Variants in ARL8B observed in about 807,000 individuals in gnomAD.
ARL8B encodes the protein ADP-ribosylation factor-like protein 8B.
ARL8B carries 9 observed loss-of-function variants against 30.6 expected under a neutral mutation model. The ratio of observed to expected loss-of-function variants is 0.29; its 90% CI spans 0.18 to 0.51. ARL8B has a LOEUF of 0.51. Among genes scored for constraint, ARL8B ranks in the 20% least tolerant of loss-of-function variants. The pLI is 0.97. For synonymous variants in ARL8B, 74 were observed against 76.0 expected (o/e 0.97, Z 0.14); for missense variants, 130 against 227.2 (o/e 0.57, Z 2.75).
At chr3:5,155,945 T>C (rs7615492) in intron 1 of ARL8B, among the ~76,000 whole-genome samples, 2,687 of 151,692 alleles carry the variant, frequency 0.018, 79 homozygotes, top group African/African-American at 0.062. Context: ...CTCTGTCACC[T>C]AGGCTGGAGT....
Position 5,174,324 on chromosome 3 carries a change from C to T in ARL8B, c.441-20C>T, listed in dbSNP as rs776012426. The T allele has an allele frequency of 6.5e-7, 1 of 1,537,620 alleles. No homozygotes were observed. Among genetic ancestry groups the T allele is most frequent in the South Asian group, 1.1e-5 (1 of 89,378 alleles). ...ACAGCTGTTCTAAGCACAGACTTAT[C>T]CTTTTAATTCTTCTCATAGGAATCT... On this transcript the variant is annotated intron_variant, in intron 5 of 6. Coordinates refer to ENST00000256496, the MANE Select transcript of ARL8B (RefSeq NM_018184.3).
intron 1 of ARL8B, among the ~76,000 whole-genome samples, chr3:5,123,968 G>A (rs2054206077): frequency 6.6e-6 from 1 of 152,118 alleles, no homozygotes; most frequent in East Asian, 1.9e-4. Flanking sequence ...CCACCTCCCA[G>A]GTTCAAGCGA....
intron 1 of ARL8B, among the ~76,000 whole-genome samples, chr3:5,128,885 A>G (rs758380528): frequency 1.3e-5 from 2 of 152,142 alleles, no homozygotes; most frequent in Non-Finnish European, 2.9e-5. Context: ...ATTCTGGTTT[A>G]ATTGTTACAG....
intron 1 of ARL8B, among the ~76,000 whole-genome samples, chr3:5,138,771 C>T (rs2106557334): frequency 6.6e-6 from 1 of 152,310 alleles, no homozygotes. Context: ...GAGAAATGTA[C>T]AGTGACTTAG....
chr3:5,123,525 C>T (rs1319158308), intron 1 of ARL8B, among the ~76,000 whole-genome samples: 2 of 152,102 alleles, frequency 1.3e-5, no homozygotes, highest in Non-Finnish European at 2.9e-5. Flanking sequence ...ATTTAGAGCC[C>T]AAGAGTTGTT....
chr3:5,141,777 A>G (rs1309967297), intron 1 of ARL8B, among the ~76,000 whole-genome samples: 1 of 152,170 alleles, frequency 6.6e-6, no homozygotes, highest in Non-Finnish European at 1.5e-5. Flanking sequence ...CGTCTAGTGC[A>G]AGCCTGTTTT....
chr3:5,148,568 A>C (rs1351064590), intron 1 of ARL8B, among the ~76,000 whole-genome samples: 1 of 152,032 alleles, frequency 6.6e-6, no homozygotes, highest in Non-Finnish European at 1.5e-5. Flanking sequence ...TCACTGGGTG[A>C]GGGCTTTTTA....
intron 1 of ARL8B, among the ~76,000 whole-genome samples, chr3:5,143,417 C>G (rs567489486): frequency 2.1e-4 from 32 of 152,300 alleles, no homozygotes; most frequent in African/African-American, 7.7e-4. Context: ...GCATCCTTGT[C>G]CTGGTATAGA....
chr3:5,139,909 A>G (rs966478029), intron 1 of ARL8B, among the ~76,000 whole-genome samples: 22 of 151,962 alleles, frequency 1.4e-4, no homozygotes, highest in African/African-American at 2.7e-4. Flanking sequence ...TGCAGGGCTC[A>G]TAGGTCTTTC....
In ARL8B at chr3:5,152,705, C is replaced by G. The variant is rs528934280; in HGVS notation, c.124-17798C>G. 3.9e-5 allele frequency among the ~76,000 whole-genome samples: 6 copies of G among 152,282 alleles called. No individual in the cohort carries two copies. In the East Asian group the frequency reaches 9.6e-4, roughly 24 times the overall value. ...CTTGCTAGGTTGCTCAGGCTGGTCT[C>G]GAACTGCTAGCCTCAAGTGATCCTC... On this transcript the variant is annotated intron_variant, in intron 1 of 6. Coordinates refer to ENST00000256496, the MANE Select transcript of ARL8B (RefSeq NM_018184.3).
chr3:5,135,211 T>A (rs1399890131), intron 1 of ARL8B, among the ~76,000 whole-genome samples: 1 of 152,194 alleles, frequency 6.6e-6, no homozygotes, highest in African/African-American at 2.4e-5. Context: ...TATGTAATCA[T>A]CCTTTCCTCC....
chr3:5,157,097 A>C (rs2054540391), intron 1 of ARL8B: 3 of 152,094 alleles, frequency 2.0e-5, no homozygotes, highest in Admixed American at 1.3e-4. Flanking sequence ...ACAAGATCCA[A>C]CCCACCTTCT....
intron 1 of ARL8B, among the ~76,000 whole-genome samples, chr3:5,148,126 G>A (rs971097843): frequency 6.6e-6 from 1 of 151,830 alleles, no homozygotes. Flanking sequence ...CCTGTGAATA[G>A]GCTATTCATG....
chr3:5,153,294 T>C (rs533846586), intron 1 of ARL8B, among the ~76,000 whole-genome samples: 1 of 152,134 alleles, frequency 6.6e-6, no homozygotes, highest in Non-Finnish European at 1.5e-5. Context: ...AGGAACCTGG[T>C]GGGAGGTGAT....
chr3:5,130,194 AT>A (rs5846362), intron 1 of ARL8B, among the ~76,000 whole-genome samples: 1 of 147,538 alleles, frequency 6.8e-6, no homozygotes, highest in Non-Finnish European at 1.5e-5. Flanking sequence ...AAAAATATAT[AT>A]TTTTTTTTTG....
At chr3:5,142,596 G>A (rs947152406) in intron 1 of ARL8B, among the ~76,000 whole-genome samples, 2 of 152,112 alleles carry the variant, frequency 1.3e-5, no homozygotes, top group African/African-American at 2.4e-5. Flanking sequence ...TGACCCAGGC[G>A]TTTACATCCC....
chr3:5,159,690 G>C (rs943984937), intron 1 of ARL8B, among the ~76,000 whole-genome samples: 15 of 151,072 alleles, frequency 9.9e-5, no homozygotes, highest in African/African-American at 3.4e-4. Flanking sequence ...CATTTGGGTA[G>C]CTCTAGAAAT....
chr3:5,143,259 A>G (rs11130285), intron 1 of ARL8B, among the ~76,000 whole-genome samples: 43,790 of 152,110 alleles, frequency 0.29, 6,645 homozygotes, highest in African/African-American at 0.39. Flanking sequence ...GTAGTAGGCC[A>G]TCTCAGCCAT....
At chr3:5,133,862 G>C (rs765784874) in intron 1 of ARL8B, among the ~76,000 whole-genome samples, 3 of 152,188 alleles carry the variant, frequency 2.0e-5, no homozygotes, top group Admixed American at 6.5e-5. Flanking sequence ...GATGGCTTGA[G>C]TCCAGGAGGC....
Sources: allele counts gnomAD v4.1 joint callset (sites outside exome capture counted in the v4.1 genomes callset), GRCh38; gene constraint gnomAD v4.1.1; transcripts MANE v1.5; gene names NCBI Gene and HGNC (gene_info 2026-07-23, HGNC 2026-07-21).